PIKFYVE: variants seen among roughly 807,000 people sequenced by gnomAD.
PIKFYVE encodes phosphoinositide kinase, FYVE-type zinc finger containing, also known as 1-phosphatidylinositol 3-phosphate 5-kinase.
Under a neutral mutation model 257.9 loss-of-function variants are expected in PIKFYVE, and 122 were observed. That is an observed-to-expected ratio of 0.47 (90% CI 0.41 to 0.55). The LOEUF is 0.55. PIKFYVE is among the 20% of genes least tolerant of loss of function. The pLI, the probability that PIKFYVE is intolerant of heterozygous loss-of-function variation, is 0.00. For synonymous variants in PIKFYVE, 892 were observed against 868.9 expected (o/e 1.03, Z -0.47); for missense variants, 2,160 against 2,536.6 (o/e 0.85, Z 3.19).
chr2:208,325,363 G>C lies in PIKFYVE; in HGVS notation c.2552G>C (p.Arg851Pro), dbSNP rs776830628. ...LRGGSDYELA[R>P]VKEILIFMIC... ...GGAGGCTCTGATTATGAGCTGGCTCGAGTTAAGGAGATCCTAATATTTATG... is the reference window on the plus strand; with the variant it reads ...GGAGGCTCTGATTATGAGCTGGCTCCAGTTAAGGAGATCCTAATATTTATG... Residue 851 changes from arginine (R) to proline (P), a missense_variant, in exon 20 of 42, where the codon CGA becomes CCA. Transcript: ENST00000264380. 1.2e-6 allele frequency: 2 copies of C among 1,614,054 alleles called. No individual in the cohort carries two copies. Among genetic ancestry groups the C allele is most frequent in the African/African-American group, 1.3e-5 (1 of 75,040 alleles).
chr2:208,279,269 A>G (rs1267476892), intron 5 of PIKFYVE, among the ~76,000 whole-genome samples: 1 of 151,858 alleles, frequency 6.6e-6, no homozygotes. Flanking sequence ...TTACTTGTTG[A>G]ATTACGTTTC....
chr2:208,312,365 A>G, intron 13 of PIKFYVE, 70 bp downstream of exon 13: 1 of 1,224,784 alleles, frequency 8.2e-7, no homozygotes, highest in South Asian at 1.3e-5. Flanking sequence ...AGGGCTTAGC[A>G]CATTGATTAG....
rs200608356 is a variant in PIKFYVE, at chr2:208,312,219, G to A, written c.1637-17G>A. ...TCTACTTTTGTTCCTCCTCTCTGTTGTCTCCCTGGTATGCAGAGTATTTGA... is the reference window on the plus strand; with the variant it reads ...TCTACTTTTGTTCCTCCTCTCTGTTATCTCCCTGGTATGCAGAGTATTTGA... On this transcript the variant is annotated splice_polypyrimidine_tract_variant and intron_variant, in intron 12 of 41. Transcript: ENST00000264380. 4,033 of 1,597,760 alleles carry A rather than the reference G, an allele frequency of 2.5e-3. 11 individuals carry two copies. Among genetic ancestry groups the A allele is most frequent in the Non-Finnish European group, 2.7e-3 (3,175 of 1,165,876 alleles).
chr2:208,302,647 C>A, intron 10 of PIKFYVE: 1 of 372,684 alleles, frequency 2.7e-6, no homozygotes, highest in Non-Finnish European at 5.1e-6. Context: ...GGTTTATGGT[C>A]TTTATAGTTG....
intron 3 of PIKFYVE, chr2:208,274,152 T>C: frequency 7.6e-7 from 1 of 1,312,274 alleles, no homozygotes; most frequent in Non-Finnish European, 1.1e-6. Context: ...TCAACTCCAT[T>C]ATTGGGCTGC....
chr2:208,349,071 G>A (rs1699512497), intron 35 of PIKFYVE, among the ~76,000 whole-genome samples: 2 of 152,110 alleles, frequency 1.3e-5, no homozygotes, highest in Admixed American at 1.3e-4. Flanking sequence ...GCTGAGGCAC[G>A]AGAACTGCAT....
intron 24 of PIKFYVE, among the ~76,000 whole-genome samples, chr2:208,333,986 G>A (rs1003178200): frequency 3.3e-5 from 5 of 152,160 alleles, no homozygotes; most frequent in African/African-American, 1.2e-4. Flanking sequence ...GATGGCATCT[G>A]AAAGTCTGTC....
intron 5 of PIKFYVE, among the ~76,000 whole-genome samples, chr2:208,284,507 C>T (rs1036777567): frequency 6.6e-6 from 1 of 152,082 alleles, no homozygotes; most frequent in South Asian, 2.1e-4. Flanking sequence ...GTGATTTATC[C>T]GTCTCAGTCT....
intron 29 of PIKFYVE, 52 bp from the exon 30 acceptor site, chr2:208,339,366 A>G: frequency 6.9e-6 from 11 of 1,592,278 alleles, no homozygotes; most frequent in Non-Finnish European, 9.5e-6. Context: ...TATTAGGTAG[A>G]CATGGACTTA....
chr2:208,322,612 G>C (rs574619380), intron 17 of PIKFYVE, among the ~76,000 whole-genome samples: 3 of 151,596 alleles, frequency 2.0e-5, no homozygotes, highest in African/African-American at 7.3e-5. Flanking sequence ...TACTGTGTTT[G>C]CATTAATTTG....
At chr2:208,267,940 G>C (rs1321252559) in intron 1 of PIKFYVE, among the ~76,000 whole-genome samples, 1 of 152,274 alleles carries the variant, frequency 6.6e-6, no homozygotes, top group African/African-American at 2.4e-5. Context: ...AGCCACGTCC[G>C]GCCTTTACTG....
At chr2:208,313,532 T>A (rs1695151408) in intron 13 of PIKFYVE, among the ~76,000 whole-genome samples, 1 of 152,196 alleles carries the variant, frequency 6.6e-6, no homozygotes, top group African/African-American at 2.4e-5. Flanking sequence ...CTATCATGTG[T>A]TCTTTTGCCA....
rs1245094405 is a variant in PIKFYVE, at chr2:208,314,352, G to A, written c.1755G>A (p.Leu585=). The A allele has an allele frequency of 2.5e-6, 4 of 1,613,746 alleles. No homozygotes were observed. The African/African-American group carries it at 5.3e-5, about 22-fold the overall frequency. ...CCAAAGAGCTGCCTTTCACACCTTT[G>A]GGCTGGCATCATAACAACCTGGAGC... ...EKSKELPFTP[L]GWHHNNLELL... The change falls in exon 14 of 42, where the codon TTG becomes TTA. Residue 585 remains leucine, a synonymous_variant. Transcript: ENST00000264380.
At chr2:208,302,817 C>T (rs549492375) in intron 10 of PIKFYVE, among the ~76,000 whole-genome samples, 10 of 152,188 alleles carry the variant, frequency 6.6e-5, no homozygotes, top group South Asian at 2.1e-4. Context: ...CGGTGGCTCA[C>T]GCTTGTAATC....
rs1559192506 is a variant in PIKFYVE at position 208,358,396 on chromosome 2, T to TTCG, written c.*3092_*3093insCGT. On this transcript the variant is annotated 3_prime_UTR_variant, in exon 42 of 42. Coordinates refer to ENST00000264380, the MANE Select transcript of PIKFYVE (RefSeq NM_015040.4). ...AACCATCTAGTGCAATGTTTTTGTT[T>TTCG]TTGTTTTTTTTTTGGTAACACAGGT... is the stretch of plus-strand genomic sequence containing the variant. 4.8e-5 allele frequency: 1 copy of TTCG among 20,972 alleles called. No homozygotes were observed. The highest frequency in any genetic ancestry group is 3.7e-4 in the Non-Finnish European group (1 of 2,672). The allele number at this position is 20,972 out of a possible 1,614,324, so 1.3% of individuals were successfully genotyped here.
chr2:208,351,721 C>T (rs538276549), intron 38 of PIKFYVE, among the ~76,000 whole-genome samples: 56 of 151,976 alleles, frequency 3.7e-4, no homozygotes, highest in African/African-American at 1.1e-3. Flanking sequence ...TGGTGAGAGA[C>T]GGAGCAAGAG....
In PIKFYVE at chr2:208,320,122, A is replaced by C. The variant is rs531623925; in HGVS notation, c.2083-130A>C. The C allele has an allele frequency of 5.1e-5, 66 of 1,283,750 alleles. 1 individual carries two copies. In the East Asian group the frequency reaches 1.5e-3, roughly 29 times the overall value. 79.5% of individuals were successfully genotyped at this position (1,283,750 alleles called of 1,614,324 possible). A position where few individuals can be genotyped will look rare whatever the true frequency, so the allele number is the denominator to read the frequency against. On this transcript the variant is annotated intron_variant, in intron 16 of 41. Coordinates refer to ENST00000264380, the MANE Select transcript of PIKFYVE (RefSeq NM_015040.4). ...TACCGTAAAAGAACTAAATGAGAAT[A>C]TATTAATACTAATATGAGATACATT...
chr2:208,329,277 C>G (rs1468529818), intron 21 of PIKFYVE, among the ~76,000 whole-genome samples: 1 of 152,060 alleles, frequency 6.6e-6, no homozygotes, highest in Admixed American at 6.5e-5. Flanking sequence ...ATGGGTTCTT[C>G]TAGTAGTATA....
rs550507513 is a variant in PIKFYVE, at chr2:208,298,648, A to G, written c.919A>G (p.Ser307Gly). Residue 307 changes from serine to glycine, a missense_variant, in exon 8 of 42, where the codon AGC (serine) becomes GGC (glycine). By Grantham distance (56) the Ser-to-Gly change is moderately conservative. Coordinates refer to ENST00000264380, the MANE Select transcript of PIKFYVE (RefSeq NM_015040.4). ...GKSPARNRSA[S>G]ITNLSLDRSG... Reference sequence around the variant, plus strand: ...TCTTGTTTTTATTTCCAGATCAGCCAGCATTACTAACCTGTCACTGGATAG... The same window carrying G: ...TCTTGTTTTTATTTCCAGATCAGCCGGCATTACTAACCTGTCACTGGATAG... 4 of 1,614,148 alleles carry G rather than the reference A, an allele frequency of 2.5e-6. No individual in the cohort carries two copies. The highest frequency in any genetic ancestry group is 2.2e-5 in the East Asian group (1 of 44,878).
Sources: allele counts gnomAD v4.1 joint callset (sites outside exome capture counted in the v4.1 genomes callset), GRCh38; gene constraint gnomAD v4.1.1; transcripts MANE v1.5; gene names NCBI Gene and HGNC (gene_info 2026-07-23, HGNC 2026-07-21).